RAP1A: variants seen among roughly 807,000 people sequenced by gnomAD.
RAP1A encodes the protein RAP1A, member of RAS oncogene family.
Under a neutral mutation model 26.4 loss-of-function variants are expected in RAP1A, and 6 were observed. The observed-to-expected ratio is 0.23, with a 90% CI of 0.12 to 0.45. RAP1A has a LOEUF of 0.45. RAP1A is among the 20% of genes least tolerant of loss of function. The pLI is 0.99. For missense variants in RAP1A, 121 were observed against 217.2 expected, an observed-to-expected ratio of 0.56 and a Z score of 2.78; for synonymous variants, 73 against 79.4, an observed-to-expected ratio of 0.92 and a Z score of 0.43.
upstream of RAP1A, among the ~76,000 whole-genome samples, chr1:111,617,170 G>A (rs1195672454): frequency 6.6e-6 from 1 of 152,198 alleles, no homozygotes; most frequent in East Asian, 1.9e-4. Flanking sequence ...CAGGGCACGT[G>A]GCTTTGTGGG....
At chr1:111,651,873 A>C (rs1172146680) in intron 1 of RAP1A, among the ~76,000 whole-genome samples, 1 of 151,872 alleles carries the variant, frequency 6.6e-6, no homozygotes, top group Middle Eastern at 3.2e-3. Flanking sequence ...TGGCCTCCCA[A>C]AGTGCTGGGA....
intron 1 of RAP1A, among the ~76,000 whole-genome samples, chr1:111,563,074 C>G (rs1324672740): frequency 6.6e-6 from 1 of 152,158 alleles, no homozygotes; most frequent in Non-Finnish European, 1.5e-5. Flanking sequence ...GCAGCGTACT[C>G]AAAGTCCTAC....
chr1:111,573,415 T>C (rs184767505), intron 1 of RAP1A, among the ~76,000 whole-genome samples: 1 of 152,288 alleles, frequency 6.6e-6, no homozygotes, highest in African/African-American at 2.4e-5. Flanking sequence ...TTTTAACTTT[T>C]TTTTTGCCTC....
At chr1:111,570,496 G>C (rs907799417) in intron 1 of RAP1A, among the ~76,000 whole-genome samples, 4 of 152,130 alleles carry the variant, frequency 2.6e-5, no homozygotes, top group African/African-American at 9.7e-5. Context: ...GGAGCAGGCA[G>C]AGGAGGGATT....
chr1:111,661,005 T>A (rs1472153218), intron 1 of RAP1A, among the ~76,000 whole-genome samples: 1 of 152,216 alleles, frequency 6.6e-6, no homozygotes, highest in Non-Finnish European at 1.5e-5. Flanking sequence ...CCCATTGCTT[T>A]TTGTTTTCTG....
At chr1:111,689,701 G>T (rs1375454686) in intron 1 of RAP1A, among the ~76,000 whole-genome samples, 2 of 151,648 alleles carry the variant, frequency 1.3e-5, no homozygotes, top group African/African-American at 4.8e-5. Flanking sequence ...ACGCAGTCTC[G>T]CTCTGTCGCC....
At chr1:111,655,657 TC>T (rs1329170240) in intron 1 of RAP1A, among the ~76,000 whole-genome samples, 1 of 112,870 alleles carries the variant, frequency 8.9e-6, no homozygotes, top group Non-Finnish European at 1.8e-5. Flanking sequence ...ATGTTCATAG[TC>T]TTTTTTTTTT....
At chr1:111,620,249 A>G (rs1659149467) in intron 1 of RAP1A, among the ~76,000 whole-genome samples, 1 of 151,956 alleles carries the variant, frequency 6.6e-6, no homozygotes, top group Non-Finnish European at 1.5e-5. Context: ...TGTGTCCCCC[A>G]CCCTTCAGCT....
intron 1 of RAP1A, among the ~76,000 whole-genome samples, chr1:111,671,578 G>A (rs1034036315): frequency 9.2e-5 from 14 of 152,036 alleles, no homozygotes; most frequent in African/African-American, 3.1e-4. Flanking sequence ...TGGTTCAAGC[G>A]ATTCTTGTGC....
intron 1 of RAP1A, among the ~76,000 whole-genome samples, chr1:111,661,523 G>A (rs1013099963): frequency 3.3e-5 from 5 of 152,130 alleles, no homozygotes; most frequent in Admixed American, 6.5e-5. Flanking sequence ...TTTAGGGGCC[G>A]GGCACAGTGG....
At chr1:111,592,174 G>C (rs1658484152) in intron 1 of RAP1A, among the ~76,000 whole-genome samples, 1 of 152,202 alleles carries the variant, frequency 6.6e-6, no homozygotes, top group South Asian at 2.1e-4. Flanking sequence ...TCTTTCTAAA[G>C]AGATTGGAAC....
At chr1:111,570,590 G>A (rs964715018) in intron 1 of RAP1A, among the ~76,000 whole-genome samples, 2 of 152,112 alleles carry the variant, frequency 1.3e-5, no homozygotes, top group African/African-American at 4.8e-5. Context: ...TACCTGAGAC[G>A]GGGTAATTTA....
At chr1:111,593,534 G>A (rs1658508147) in intron 1 of RAP1A, among the ~76,000 whole-genome samples, 1 of 152,022 alleles carries the variant, frequency 6.6e-6, no homozygotes, top group Non-Finnish European at 1.5e-5. Context: ...TCCTGACCAT[G>A]CCCAGCACCC....
chr1:111,601,774 AAAT>A lies in RAP1A; in HGVS notation c.-28+59273_-28+59275del, dbSNP rs372718671. ...GTGCCTTTCATTTGTAAAAAAGAGA[AAAT>A]AATAATACCTTCCTCATGGGATCGC... On this transcript the variant is annotated intron_variant, in intron 1 of 7. Transcript: ENST00000356415. Among the ~76,000 whole-genome samples, 16 of 152,314 alleles carry A rather than the reference AAAT, an allele frequency of 1.1e-4. No individual in the cohort carries two copies. In the South Asian group the frequency reaches 1.2e-3, roughly 12 times the overall value.
chr1:111,653,013 A>G (rs967374877), intron 1 of RAP1A, among the ~76,000 whole-genome samples: 13 of 152,206 alleles, frequency 8.5e-5, no homozygotes, highest in African/African-American at 3.1e-4. Flanking sequence ...AAAGAACCCA[A>G]ATGTCCATCA....
chr1:111,677,802 C>T (rs1260421349), intron 1 of RAP1A, among the ~76,000 whole-genome samples: 2 of 152,040 alleles, frequency 1.3e-5, no homozygotes, highest in Admixed American at 6.5e-5. Context: ...GGTCACATGA[C>T]GAATCTTGAT....
chr1:111,702,341 G>A (rs1371694420), intron 4 of RAP1A, among the ~76,000 whole-genome samples: 2 of 152,014 alleles, frequency 1.3e-5, no homozygotes, highest in African/African-American at 4.8e-5. Context: ...TCTAAAAGAA[G>A]ATTTTGTCTT....
intron 1 of RAP1A, among the ~76,000 whole-genome samples, chr1:111,569,126 G>A (rs932160287): frequency 1.3e-5 from 2 of 152,122 alleles, no homozygotes; most frequent in Non-Finnish European, 2.9e-5. Flanking sequence ...TTGGAGGCCG[G>A]GCATGGTGGC....
chr1:111,699,070 TCTAGCACTCAA>T (rs1661931265), intron 4 of RAP1A, among the ~76,000 whole-genome samples: 1 of 152,148 alleles, frequency 6.6e-6, no homozygotes, highest in African/African-American at 2.4e-5. Context: ...CTGTCTCCCA[TCTAGCACTCAA>T]CACGCTGTGT....
Sources: gnomAD v4.1 joint callset for allele counts (sites outside exome capture counted in the v4.1 genomes callset) on GRCh38, gnomAD v4.1.1 for gene constraint, MANE v1.5 for transcripts, NCBI Gene and HGNC (gene_info 2026-07-23, HGNC 2026-07-21) for gene names.